GMPR: variants seen among roughly 807,000 people sequenced by gnomAD.
The protein encoded by GMPR is guanosine monophosphate reductase, also known as GMP reductase 1.
Under a neutral mutation model 38.4 loss-of-function variants are expected in GMPR, and 31 were observed. The observed-to-expected ratio is 0.81, with a 90% CI of 0.61 to 1.09. GMPR has a LOEUF of 1.09. Among genes scored for constraint, GMPR ranks in the 50% least tolerant of loss-of-function variants. GMPR has a pLI of 0.00. For missense variants in GMPR, 468 were observed against 453.7 expected (o/e 1.03, Z -0.29); for synonymous variants, 162 against 173.3 (o/e 0.93, Z 0.51).
intron 4 of GMPR, chr6:16,263,257 G>A (rs938649020): frequency 4.6e-5 from 7 of 152,022 alleles, no homozygotes; most frequent in Admixed American, 2.7e-4. Context: ...CCCATTGTAC[G>A]ACAAGAATTA....
At chr6:16,266,815 T>C (rs1275465693) in intron 4 of GMPR, among the ~76,000 whole-genome samples, 1 of 151,700 alleles carries the variant, frequency 6.6e-6, no homozygotes, top group Non-Finnish European at 1.5e-5. Flanking sequence ...AAAAAAGAGC[T>C]GTAACACTCA....
intron 8 of GMPR, among the ~76,000 whole-genome samples, chr6:16,291,615 GAA>G (rs1481910887): frequency 6.6e-6 from 1 of 152,118 alleles, no homozygotes; most frequent in African/African-American, 2.4e-5. Flanking sequence ...TGTGTTTTAA[GAA>G]CCTGATGATG....
Position 16,288,632 on chromosome 6 carries a change from A to G in GMPR, c.698-1830A>G, listed in dbSNP as rs918491656. Among the ~76,000 whole-genome samples the G allele has an allele frequency of 4.6e-5, 7 of 152,342 alleles. No individual in the cohort carries two copies. In the East Asian group the frequency reaches 1.4e-3, roughly 29 times the overall value. ...AGTCCCGTCAACCATGCAAGGGCTGAGGAGTGCAGGCGCAGGGCGTGGGAC... is the reference window on the plus strand; with the variant it reads ...AGTCCCGTCAACCATGCAAGGGCTGGGGAGTGCAGGCGCAGGGCGTGGGAC... On this transcript the variant is annotated intron_variant, in intron 7 of 8. Coordinates refer to ENST00000259727, the MANE Select transcript of GMPR (RefSeq NM_006877.4).
In GMPR at chr6:16,246,942, T is replaced by C. The variant is rs1307544244; in HGVS notation, c.188T>C (p.Met63Thr). Residue 63 changes from methionine to threonine, a missense_variant, in exon 2 of 9, where the codon ATG becomes ACG. Met to Thr is a moderately conservative substitution (Grantham distance 81). Coordinates refer to ENST00000259727, the MANE Select transcript of GMPR (RefSeq NM_006877.4). Reference sequence around the variant, plus strand: ...ATGGACACTGTGGGCACGTTTGAGATGGCAGCCGTGATGTCACAGGTGAGG... The same window carrying C: ...ATGGACACTGTGGGCACGTTTGAGACGGCAGCCGTGATGTCACAGGTGAGG... Reference protein sequence around the residue: ...ANMDTVGTFEMAAVMSQHSMF... With the variant: ...ANMDTVGTFETAAVMSQHSMF... 5.0e-6 allele frequency: 8 copies of C among 1,614,086 alleles called. No individual in the cohort carries two copies. The highest frequency in any genetic ancestry group is 6.8e-6 in the Non-Finnish European group (8 of 1,179,962).
chr6:16,288,589 C>T (rs1759748546), intron 7 of GMPR, among the ~76,000 whole-genome samples: 1 of 152,050 alleles, frequency 6.6e-6, no homozygotes, highest in Admixed American at 6.5e-5. Context: ...GAGCGCCGCC[C>T]CCTGCTCCAA....
At chr6:16,278,427 G>T (rs1431427923) in intron 5 of GMPR, among the ~76,000 whole-genome samples, 1 of 151,040 alleles carries the variant, frequency 6.6e-6, no homozygotes, top group Admixed American at 6.6e-5. Context: ...GTGTAGATTT[G>T]TAGAAAGGTG....
intron 4 of GMPR, among the ~76,000 whole-genome samples, chr6:16,268,374 G>C (rs1341441415): frequency 6.6e-6 from 1 of 152,176 alleles, no homozygotes; most frequent in African/African-American, 2.4e-5. Flanking sequence ...GAGTGTGGTG[G>C]CACGATCTTG....
intron 4 of GMPR, chr6:16,263,221 G>C (rs1759121808): frequency 6.6e-6 from 1 of 151,894 alleles, no homozygotes; most frequent in South Asian, 2.1e-4. Context: ...AAGAATGCCT[G>C]GATGTCAGGC....
intron 4 of GMPR, among the ~76,000 whole-genome samples, chr6:16,271,930 G>T (rs1300814405): frequency 6.6e-6 from 1 of 152,084 alleles, no homozygotes; most frequent in Non-Finnish European, 1.5e-5. Flanking sequence ...CCACTCTTAG[G>T]CTGGGTGCGG....
chr6:16,239,161 G>T (rs781138242), intron 1 of GMPR, among the ~76,000 whole-genome samples: 1 of 152,218 alleles, frequency 6.6e-6, no homozygotes. Context: ...GCAGATCCCG[G>T]TGATTTTTGG....
At chr6:16,265,680 C>G (rs1332025588) in intron 4 of GMPR, among the ~76,000 whole-genome samples, 3 of 145,886 alleles carry the variant, frequency 2.1e-5, no homozygotes, top group Admixed American at 2.1e-4. Context: ...TAGCTAAACG[C>G]ACCAATCAGC....
intron 4 of GMPR, among the ~76,000 whole-genome samples, chr6:16,268,296 G>C (rs1260501115): frequency 6.6e-6 from 1 of 152,198 alleles, no homozygotes; most frequent in African/African-American, 2.4e-5. Flanking sequence ...CTTGGGAACA[G>C]TCACTGGGGT....
chr6:16,247,206 C>A (rs1307465810), intron 2 of GMPR, among the ~76,000 whole-genome samples: 1 of 152,028 alleles, frequency 6.6e-6, no homozygotes, highest in African/African-American at 2.4e-5. Flanking sequence ...ATTAGAGATA[C>A]AAAAAGAAGC....
chr6:16,289,298 A>C (rs1028152378), intron 7 of GMPR, among the ~76,000 whole-genome samples: 4 of 152,232 alleles, frequency 2.6e-5, no homozygotes, highest in African/African-American at 7.2e-5. Context: ...TGAGACCAAG[A>C]ACCCACCAGT....
At chr6:16,266,146 CTG>C (rs1491539029) in intron 4 of GMPR, among the ~76,000 whole-genome samples, 1 of 124,804 alleles carries the variant, frequency 8.0e-6, no homozygotes, top group South Asian at 2.6e-4. Flanking sequence ...TCTTTAAGAG[CTG>C]TAACACTTGC....
chr6:16,293,140 A>G (rs919564009), intron 8 of GMPR, among the ~76,000 whole-genome samples: 3 of 152,084 alleles, frequency 2.0e-5, no homozygotes, highest in Admixed American at 1.3e-4. Context: ...TTCTTTCCCA[A>G]TCATTATTTC....
At chr6:16,257,607 C>G (rs1759005792) in intron 4 of GMPR, among the ~76,000 whole-genome samples, 1 of 152,130 alleles carries the variant, frequency 6.6e-6, no homozygotes, top group South Asian at 2.1e-4. Context: ...GTTTAGTCTG[C>G]TAGCATAAAA....
chr6:16,284,891 G>T (rs977980671), intron 6 of GMPR, among the ~76,000 whole-genome samples: 1 of 151,820 alleles, frequency 6.6e-6, no homozygotes, highest in Non-Finnish European at 1.5e-5. Context: ...TTGGTGGTGG[G>T]CACTTGTAAT....
intron 7 of GMPR, 146 bp downstream of exon 7, chr6:16,285,981 C>A: frequency 1.4e-6 from 1 of 709,626 alleles, no homozygotes; most frequent in Non-Finnish European, 2.5e-6. Context: ...GTTTCAGCCC[C>A]AATTGGCCCA....
Sources: allele counts gnomAD v4.1 joint callset (sites outside exome capture counted in the v4.1 genomes callset), GRCh38; gene constraint gnomAD v4.1.1; transcripts MANE v1.5; gene names NCBI Gene and HGNC (gene_info 2026-07-23, HGNC 2026-07-21).